The following CYP7B1 variants were observed in gnomAD, a reference collection of about 807,000 sequenced individuals.
CYP7B1 encodes cytochrome P450 7B1.
CYP7B1 carries 29 observed loss-of-function variants against 42.7 expected under a neutral mutation model. The observed-to-expected ratio is 0.68, with a 90% CI of 0.51 to 0.93. CYP7B1 has a LOEUF of 0.93. Ranked by LOEUF, CYP7B1 falls within the 40% of genes least tolerant of loss-of-function variation. The probability of loss-of-function intolerance (pLI) is 0.00; values close to 1 mark genes in which losing one functional copy is unlikely to be tolerated. For missense variants in CYP7B1, 655 were observed against 600.5 expected (o/e 1.09, Z -0.95); for synonymous variants, 235 against 218.2 (o/e 1.08, Z -0.68).
chr8:64,675,261 G>T (rs1806428713), intron 1 of CYP7B1, among the ~76,000 whole-genome samples: 1 of 151,968 alleles, frequency 6.6e-6, no homozygotes. Context: ...TTCAACAGTA[G>T]ATTCTAAATA....
intron 1 of CYP7B1, among the ~76,000 whole-genome samples, chr8:64,697,510 G>A (rs887360669): frequency 5.9e-5 from 9 of 152,074 alleles, no homozygotes; most frequent in Non-Finnish European, 1.0e-4. Flanking sequence ...GTCAGCATTC[G>A]TTTTGTGCTG....
chr8:64,660,257 T>C (rs765971893), intron 1 of CYP7B1, among the ~76,000 whole-genome samples: 2 of 152,166 alleles, frequency 1.3e-5, no homozygotes, highest in Non-Finnish European at 1.5e-5. Flanking sequence ...GATTCCAGGA[T>C]CCATAATCTT....
chr8:64,619,415 G>A (rs1447539006), intron 2 of CYP7B1, among the ~76,000 whole-genome samples: 3 of 152,150 alleles, frequency 2.0e-5, no homozygotes, highest in African/African-American at 4.8e-5. Flanking sequence ...CCAAAGAGAA[G>A]AGAATGCTGT....
intron 1 of CYP7B1, among the ~76,000 whole-genome samples, chr8:64,713,708 T>G (rs1200054077): frequency 6.6e-6 from 1 of 151,940 alleles, no homozygotes; most frequent in Non-Finnish European, 1.5e-5. Context: ...AAAGTAGTAA[T>G]GACCAGTAGG....
chr8:64,788,709 C>T (rs2129713963), intron 1 of CYP7B1, among the ~76,000 whole-genome samples: 1 of 152,246 alleles, frequency 6.6e-6, no homozygotes. Context: ...ACATTTATTT[C>T]AATGTTTAAA....
intron 1 of CYP7B1, among the ~76,000 whole-genome samples, chr8:64,787,114 G>A (rs1804540666): frequency 6.6e-6 from 1 of 152,240 alleles, no homozygotes; most frequent in Non-Finnish European, 1.5e-5. Flanking sequence ...CTGGGCCTGT[G>A]ATGGGAGGGG....
intron 4 of CYP7B1, among the ~76,000 whole-genome samples, chr8:64,611,140 A>T (rs984514279): frequency 6.6e-6 from 1 of 152,116 alleles, no homozygotes; most frequent in African/African-American, 2.4e-5. Flanking sequence ...AGATACAAAG[A>T]ATTCCTCTCC....
chr8:64,600,605 T>G (rs1014904082), intron 5 of CYP7B1, among the ~76,000 whole-genome samples: 1 of 152,186 alleles, frequency 6.6e-6, no homozygotes, highest in African/African-American at 2.4e-5. Context: ...CTTCATGACT[T>G]GGGTTCAAAT....
chr8:64,754,342 G>C (rs575503099), intron 1 of CYP7B1, among the ~76,000 whole-genome samples: 1 of 152,272 alleles, frequency 6.6e-6, no homozygotes, highest in South Asian at 2.1e-4. Flanking sequence ...GGCCAACTTG[G>C]TGCATTACAT....
downstream of CYP7B1, among the ~76,000 whole-genome samples, chr8:64,588,751 CTA>C (rs138383523): frequency 0.023 from 3,480 of 152,340 alleles, 57 homozygotes; most frequent in South Asian, 0.047. Context: ...CATGTGCAGT[CTA>C]TTTCTGCAGT....
chr8:64,673,942 C>A (rs537617454), intron 1 of CYP7B1, among the ~76,000 whole-genome samples: 1 of 151,942 alleles, frequency 6.6e-6, no homozygotes, highest in Non-Finnish European at 1.5e-5. Context: ...ATCTGATATC[C>A]ACCTAAATCT....
In CYP7B1 at chr8:64,615,762, C is replaced by A; in HGVS notation, c.779G>T (p.Trp260Leu). 6.2e-7 allele frequency: 1 copy of A among 1,613,716 alleles called. No homozygotes were observed. The highest frequency in any genetic ancestry group is 8.5e-7 in the Non-Finnish European group (1 of 1,179,780). Residue 260 changes from tryptophan to leucine, a missense_variant, in exon 3 of 6, where the codon TGG becomes TTG. Transcript: ENST00000310193. ...SSEKLAKMQG[W>L]SEVFQSRQDV... ...TTGCCTGCTTTGAAAAACTTCTGAC[C>A]ATCCTTGCATCTTGGCTAACTTTTC... is the stretch of plus-strand genomic sequence containing the variant.
chr8:64,697,560 C>A (rs1364641208), intron 1 of CYP7B1, among the ~76,000 whole-genome samples: 1 of 152,110 alleles, frequency 6.6e-6, no homozygotes, highest in Non-Finnish European at 1.5e-5. Context: ...TAAGAACTCA[C>A]CTGGAGGGAG....
intron 4 of CYP7B1, among the ~76,000 whole-genome samples, chr8:64,609,231 G>A (rs1805330593): frequency 6.6e-6 from 1 of 152,122 alleles, no homozygotes; most frequent in South Asian, 2.1e-4. Context: ...ATTCTGGAAT[G>A]GTTAAGTCCA....
chr8:64,778,660 T>G (rs1262088783), intron 1 of CYP7B1, among the ~76,000 whole-genome samples: 3 of 152,148 alleles, frequency 2.0e-5, no homozygotes, highest in Non-Finnish European at 4.4e-5. Flanking sequence ...ATCCTTCCCC[T>G]TTGATTCCAG....
Position 64,615,951 on chromosome 8 carries a change from T to C in CYP7B1, c.590A>G (p.Tyr197Cys). Residue 197 changes from tyrosine (Y) to cysteine (C), a missense_variant, in exon 3 of 6, where the codon TAT becomes TGT. Physicochemically the swap from Tyr to Cys is radical, Grantham distance 194 (BLOSUM62 -2). Transcript: ENST00000310193. ...GTTGTCACAAACAATAACTTTTCCA[T>C]ATATAGTTGTAAATGTGATCTCAAA... ...IIFEITFTTI[Y>C]GKVIVCDNNK... is the part of the protein sequence containing the mutation. 3 of 1,613,620 alleles carry C rather than the reference T, an allele frequency of 1.9e-6. No homozygotes were observed. Among genetic ancestry groups the C allele is most frequent in the Non-Finnish European group, 2.5e-6 (3 of 1,179,758 alleles).
chr8:64,786,939 G>A (rs1027382165), intron 1 of CYP7B1, among the ~76,000 whole-genome samples: 2 of 152,256 alleles, frequency 1.3e-5, no homozygotes, highest in African/African-American at 4.8e-5. Context: ...GCCAAAACTT[G>A]AGGCTTGCAC....
At chr8:64,647,697 G>A (rs537558835) in intron 1 of CYP7B1, among the ~76,000 whole-genome samples, 1 of 152,180 alleles carries the variant, frequency 6.6e-6, no homozygotes, top group Admixed American at 6.5e-5. Context: ...GTGAGGCAGA[G>A]AAAAGAGGAA....
chr8:64,633,235 G>A (rs73689560), intron 1 of CYP7B1, among the ~76,000 whole-genome samples: 2,973 of 152,262 alleles, frequency 0.02, 118 homozygotes, highest in African/African-American at 0.068. Context: ...ACTGAGATAA[G>A]AGTATTTGAA....
Sources: allele counts gnomAD v4.1 joint callset (sites outside exome capture counted in the v4.1 genomes callset), GRCh38; gene constraint gnomAD v4.1.1; transcripts MANE v1.5; gene names NCBI Gene and HGNC (gene_info 2026-07-23, HGNC 2026-07-21).